The following MED13L variants were observed in gnomAD, a reference collection of about 807,000 sequenced individuals.
MED13L encodes the protein mediator complex subunit 13L, also known as mediator of RNA polymerase II transcription subunit 13-like.
MED13L carries 7 observed loss-of-function variants against 220.9 expected under a neutral mutation model. The observed-to-expected ratio is 0.03, with a 90% CI of 0.02 to 0.06. The LOEUF (loss-of-function observed/expected upper bound fraction) is 0.06, where lower values mean the gene tolerates loss of function less well. Among genes scored for constraint, MED13L ranks in the 10% least tolerant of loss-of-function variants. MED13L has a pLI of 1.00. For synonymous variants in MED13L, 1,011 were observed against 1,015.2 expected (o/e 1.00, Z 0.08); for missense variants, 1,965 against 2,760.5 (o/e 0.71, Z 6.46).
intron 2 of MED13L, among the ~76,000 whole-genome samples, chr12:116,148,275 T>C (rs1015584449): frequency 5.3e-5 from 8 of 151,810 alleles, no homozygotes; most frequent in African/African-American, 1.7e-4. Context: ...TCCCCTACAA[T>C]TATATTTTGC....
intron 3 of MED13L, among the ~76,000 whole-genome samples, chr12:116,109,355 T>C (rs905258379): frequency 1.3e-5 from 2 of 152,158 alleles, no homozygotes; most frequent in Non-Finnish European, 2.9e-5. Context: ...TCTGAATTCA[T>C]GAGCCATAAA....
chr12:115,980,549 C>G (rs372057834), intron 23 of MED13L: 35 of 638,066 alleles, frequency 5.5e-5, no homozygotes, highest in Middle Eastern at 8.4e-4. Flanking sequence ...GTCTCAAACT[C>G]CTAGGCTTAA....
At chr12:116,182,948 G>A (rs974553775) in intron 2 of MED13L, among the ~76,000 whole-genome samples, 1 of 152,072 alleles carries the variant, frequency 6.6e-6, no homozygotes, top group Non-Finnish European at 1.5e-5. Context: ...AGCTACTTGA[G>A]GTGAAAGACT....
In MED13L at chr12:116,205,942, GTTTTT is replaced by G. The variant is rs11295233; in HGVS notation, c.310+31521_310+31525del. 9.6e-5 allele frequency among the ~76,000 whole-genome samples: 12 copies of G among 125,290 alleles called. No homozygotes were observed. In the East Asian group the frequency reaches 2.2e-3, roughly 23 times the overall value. The allele number at this position is 125,290 out of a possible 152,430, so 82.2% of individuals were successfully genotyped here. A position where few individuals can be genotyped will look rare whatever the true frequency, so the allele number is the denominator to read the frequency against. On this transcript the variant is annotated intron_variant, in intron 2 of 30. Transcript: ENST00000281928. ...CAATGCACTGCATAACTAAAAACTT[GTTTTT>G]TTTTTTTTTTTGCTTCCTTTGTATA...
intron 2 of MED13L, among the ~76,000 whole-genome samples, chr12:116,209,687 C>G (rs1258282959): frequency 6.6e-6 from 1 of 152,144 alleles, no homozygotes; most frequent in Non-Finnish European, 1.5e-5. Context: ...GGTCAGATAA[C>G]TATTAGAGCC....
At chr12:116,160,994 G>A (rs149365147) in intron 2 of MED13L, among the ~76,000 whole-genome samples, 50 of 152,158 alleles carry the variant, frequency 3.3e-4, no homozygotes, top group African/African-American at 1.1e-3. Context: ...GAAAATAAAC[G>A]TATTTCTTAT....
At chr12:116,162,805 A>G (rs1878987361) in intron 2 of MED13L, among the ~76,000 whole-genome samples, 1 of 152,276 alleles carries the variant, frequency 6.6e-6, no homozygotes, top group Admixed American at 6.5e-5. Flanking sequence ...GACTTTTTCT[A>G]TTTTTCTCTT....
At chr12:116,164,447 T>C (rs1045975297) in intron 2 of MED13L, among the ~76,000 whole-genome samples, 1 of 152,164 alleles carries the variant, frequency 6.6e-6, no homozygotes, top group Non-Finnish European at 1.5e-5. Flanking sequence ...ACACATTTTG[T>C]TTATTTATTT....
At chr12:116,087,796 T>G (rs903877725) in intron 4 of MED13L, among the ~76,000 whole-genome samples, 1 of 152,176 alleles carries the variant, frequency 6.6e-6, no homozygotes, top group African/African-American at 2.4e-5. Context: ...GCACTAAAAG[T>G]GCATCAGGAA....
chr12:116,137,334 C>A (rs921728127), intron 2 of MED13L, among the ~76,000 whole-genome samples: 4 of 152,096 alleles, frequency 2.6e-5, no homozygotes, highest in Non-Finnish European at 4.4e-5. Context: ...CATAATTCAC[C>A]TCCATAATAC....
chr12:116,252,825 C>T (rs778731986), intron 1 of MED13L, among the ~76,000 whole-genome samples: 48 of 152,134 alleles, frequency 3.2e-4, no homozygotes, highest in Non-Finnish European at 4.7e-4. Flanking sequence ...GGAGGCATTA[C>T]CACACATTCT....
At chr12:116,054,012 C>T (rs1868733974) in intron 4 of MED13L, among the ~76,000 whole-genome samples, 1 of 152,108 alleles carries the variant, frequency 6.6e-6, no homozygotes, top group Non-Finnish European at 1.5e-5. Context: ...ATCTACTTTA[C>T]ATTAGAAAGG....
chr12:116,249,190 G>A (rs75554056), intron 1 of MED13L, among the ~76,000 whole-genome samples: 2,849 of 152,282 alleles, frequency 0.019, 53 homozygotes, highest in Middle Eastern at 0.054. Flanking sequence ...TGAACAGCCA[G>A]AGAGAAAAAA....
Position 115,983,272 on chromosome 12 carries a change from G to A in MED13L, c.4800C>T (p.Ser1600=), listed in dbSNP as rs1281343769. 1 of 1,614,200 alleles carries A rather than the reference G, an allele frequency of 6.2e-7. No homozygotes were observed. The highest frequency in any genetic ancestry group is 1.7e-5 in the Admixed American group (1 of 60,020). ...SASAPGISQI[S]TTSSSGFSGS... ...CACTGAATCCTGAAGAAGAGGTAGT[G>A]CTTATCTGGCTAATACCAGGAGCAG... The change falls in exon 21 of 31, where the codon AGC becomes AGT. Residue 1600 remains serine, a synonymous_variant. Coordinates refer to ENST00000281928, the MANE Select transcript of MED13L (RefSeq NM_015335.5).
intron 1 of MED13L, among the ~76,000 whole-genome samples, chr12:116,270,381 A>G (rs908611812): frequency 2.6e-5 from 4 of 152,056 alleles, no homozygotes; most frequent in Admixed American, 2.0e-4. Context: ...TGACCTCGTG[A>G]TCCGCCTGCC....
At chr12:115,962,588 C>T (rs1485773103) in intron 30 of MED13L, 1 of 152,120 alleles carries the variant, frequency 6.6e-6, no homozygotes, top group African/African-American at 2.4e-5. Context: ...ATATAGTTTC[C>T]TATCATTTCC....
At chr12:116,249,351 T>C (rs1225365232) in intron 1 of MED13L, among the ~76,000 whole-genome samples, 1 of 152,214 alleles carries the variant, frequency 6.6e-6, no homozygotes, top group South Asian at 2.1e-4. Context: ...GCTGATCTTA[T>C]TAACTGCCAG....
chr12:116,254,219 C>T (rs907667543), intron 1 of MED13L, among the ~76,000 whole-genome samples: 1 of 151,956 alleles, frequency 6.6e-6, no homozygotes, highest in South Asian at 2.1e-4. Context: ...TTCAATACTG[C>T]CCTGTAGGTC....
At chr12:115,987,372 A>G (rs1877765395) in intron 17 of MED13L, 84 bp from the exon 18 acceptor site, 1 of 1,271,076 alleles carries the variant, frequency 7.9e-7, no homozygotes, top group Non-Finnish European at 1.1e-6. Context: ...CCTCAGTTAT[A>G]TTCAGAACAA....
Sources: gnomAD v4.1 joint callset for allele counts (sites outside exome capture counted in the v4.1 genomes callset) on GRCh38, gnomAD v4.1.1 for gene constraint, MANE v1.5 for transcripts, NCBI Gene and HGNC (gene_info 2026-07-23, HGNC 2026-07-21) for gene names.